FAT3: variants seen among roughly 807,000 people sequenced by gnomAD.
The protein encoded by FAT3 is FAT atypical cadherin 3.
FAT3 carries 95 observed loss-of-function variants against 310.2 expected under a neutral mutation model. The observed-to-expected ratio is 0.31, with a 90% CI of 0.26 to 0.36. The LOEUF (loss-of-function observed/expected upper bound fraction) is 0.36. Among genes scored for constraint, FAT3 ranks in the 10% least tolerant of loss-of-function variants. FAT3 has a pLI of 1.00. For missense variants in FAT3, 5,408 were observed against 5,715.6 expected (o/e 0.95, Z 1.74); for synonymous variants, 2,314 against 2,192.9 (o/e 1.06, Z -1.54).
chr11:92,735,114 T>A (rs1455367071), intron 4 of FAT3, among the ~76,000 whole-genome samples: 1 of 149,964 alleles, frequency 6.7e-6, no homozygotes, highest in Non-Finnish European at 1.5e-5. Flanking sequence ...GAGCATGTCA[T>A]GTCTGACTTA....
Position 92,524,704 on chromosome 11 carries a change from A to C in FAT3, c.3363A>C (p.Thr1121=). Reference sequence around the variant, plus strand: ...CATACTGGCTAACAGTGTATGCCACAGACAGGGGCGTTGTTCCACTCTACT... The same window carrying C: ...CATACTGGCTAACAGTGTATGCCACCGACAGGGGCGTTGTTCCACTCTACT... ...MGSYWLTVYA[T]DRGVVPLYST... is the part of the protein sequence containing the mutation. Residue 1121 remains threonine (T), a synonymous_variant, in exon 3 of 28, where the codon ACA becomes ACC. Transcript: ENST00000525166. 1.2e-6 allele frequency: 2 copies of C among 1,613,916 alleles called. No individual in the cohort carries two copies. The highest frequency in any genetic ancestry group is 1.7e-6 in the Non-Finnish European group (2 of 1,179,842).
chr11:92,366,440 G>A, intron 2 of FAT3: 1 of 367,658 alleles, frequency 2.7e-6, no homozygotes, highest in South Asian at 2.1e-5. Flanking sequence ...AGGTGCACAG[G>A]GGGATGTGAC....
At chr11:92,756,639 G>A (rs545175219) in intron 4 of FAT3, among the ~76,000 whole-genome samples, 119 of 152,182 alleles carry the variant, frequency 7.8e-4, no homozygotes, top group South Asian at 4.4e-3. Flanking sequence ...CAAGATCTCC[G>A]CTTTTAGGCA....
At chr11:92,678,203 G>T (rs1398092890) in intron 3 of FAT3, among the ~76,000 whole-genome samples, 1 of 152,126 alleles carries the variant, frequency 6.6e-6, no homozygotes, top group Non-Finnish European at 1.5e-5. Context: ...TTTGGGAGGG[G>T]ATCAATCAGA....
chr11:92,319,298 G>C (rs991272783), intron 1 of FAT3, among the ~76,000 whole-genome samples: 13 of 152,270 alleles, frequency 8.5e-5, no homozygotes, highest in African/African-American at 3.1e-4. Flanking sequence ...TCTTGAATAA[G>C]TCAAGGTTGC....
Position 92,615,276 on chromosome 11 carries a change from C to T in FAT3, c.3608-82108C>T, listed in dbSNP as rs535882410. On this transcript the variant is annotated intron_variant, in intron 3 of 27. Transcript: ENST00000525166. ...ACTTAATTTTTTTGAGACAGAGTTT[C>T]GGTCTTGTTGCCCAGGCTGGAGTGC... is the stretch of plus-strand genomic sequence containing the variant. Among the ~76,000 whole-genome samples, 24 of 152,204 alleles carry T rather than the reference C, an allele frequency of 1.6e-4. 1 individual carries two copies. Among genetic ancestry groups the T allele is most frequent in the East Asian group, 1.2e-3 (6 of 5,170 alleles).
intron 3 of FAT3, among the ~76,000 whole-genome samples, chr11:92,631,453 G>A (rs1379751139): frequency 6.6e-6 from 1 of 152,122 alleles, no homozygotes; most frequent in Non-Finnish European, 1.5e-5. Context: ...TGGATCATGG[G>A]GGTGGTTTTT....
intron 1 of FAT3, among the ~76,000 whole-genome samples, chr11:92,230,976 GC>G (rs1427550589): frequency 6.6e-6 from 1 of 152,168 alleles, no homozygotes. Context: ...TTGTCAGGGG[GC>G]AGTGCAGAGC....
intron 3 of FAT3, among the ~76,000 whole-genome samples, chr11:92,539,535 G>A (rs1249487357): frequency 6.6e-6 from 1 of 152,074 alleles, no homozygotes; most frequent in African/African-American, 2.4e-5. Context: ...TGTGTACATA[G>A]GTGTGGGAGG....
intron 9 of FAT3, among the ~76,000 whole-genome samples, chr11:92,794,313 T>C (rs900401428): frequency 6.6e-6 from 1 of 152,216 alleles, no homozygotes; most frequent in Non-Finnish European, 1.5e-5. Context: ...ACAACTCTTT[T>C]TATTCTTTCT....
chr11:92,857,781 A>G (rs1949020087), intron 20 of FAT3, among the ~76,000 whole-genome samples: 2 of 152,172 alleles, frequency 1.3e-5, no homozygotes, highest in Admixed American at 1.3e-4. Flanking sequence ...CCTTCCTTAG[A>G]GTCATCCCCA....
At chr11:92,234,623 G>T (rs1191557129) in intron 1 of FAT3, among the ~76,000 whole-genome samples, 2 of 152,028 alleles carry the variant, frequency 1.3e-5, no homozygotes, top group African/African-American at 4.8e-5. Context: ...TACAAAAATT[G>T]CCAGGCACGG....
At chr11:92,555,141 A>G (rs747003255) in intron 3 of FAT3, among the ~76,000 whole-genome samples, 12 of 152,320 alleles carry the variant, frequency 7.9e-5, no homozygotes, top group East Asian at 5.8e-4. Context: ...GGTGCTTTCA[A>G]TTGAAAATTT....
chr11:92,394,952 G>C (rs1337055730), intron 2 of FAT3, among the ~76,000 whole-genome samples: 1 of 152,118 alleles, frequency 6.6e-6, no homozygotes, highest in Admixed American at 6.6e-5. Context: ...ATTAAGGCAG[G>C]GATGTCTGTT....
intron 1 of FAT3, among the ~76,000 whole-genome samples, chr11:92,268,640 T>C (rs1319457640): frequency 2.6e-5 from 4 of 152,178 alleles, no homozygotes; most frequent in Non-Finnish European, 5.9e-5. Flanking sequence ...CTGGTTGCTC[T>C]TCTATATTTA....
At chr11:92,226,782 G>A (rs1382995640) in intron 1 of FAT3, among the ~76,000 whole-genome samples, 1 of 152,130 alleles carries the variant, frequency 6.6e-6, no homozygotes, top group Admixed American at 6.5e-5. Context: ...CCATCCCGCC[G>A]CCGCCGCGCG....
Position 92,598,231 on chromosome 11 carries a change from T to TATATATA in FAT3, c.3607+73283_3607+73284insATATATA, listed in dbSNP as rs1555095779. 1.6e-3 allele frequency among the ~76,000 whole-genome samples: 116 copies of TATATATA among 71,140 alleles called. 1 individual carries two copies. Among genetic ancestry groups the TATATATA allele is most frequent in the East Asian group, 8.7e-3 (32 of 3,662 alleles). The allele number at this position is 71,140 out of a possible 152,430, so 46.7% of individuals were successfully genotyped here. A position where few individuals can be genotyped will look rare whatever the true frequency, so the allele number is the denominator to read the frequency against. The stretch of plus-strand genomic sequence containing the variant: ...ATATGTATACATATATATATATATA[T>TATATATA]TTTTTTTTTTTTTGAGACAAAGTCT... On this transcript the variant is annotated intron_variant, in intron 3 of 27. Coordinates refer to ENST00000525166, the MANE Select transcript of FAT3 (RefSeq NM_001367949.2).
At chr11:92,734,377 G>A (rs567250791) in intron 4 of FAT3, among the ~76,000 whole-genome samples, 1 of 152,282 alleles carries the variant, frequency 6.6e-6, no homozygotes, top group South Asian at 2.1e-4. Context: ...CACAAGATGT[G>A]TAGAGAAGGG....
In FAT3 at chr11:92,344,283, GTTACCTGA is replaced by G. The variant is rs2134595918; in HGVS notation, c.-17-7811_-17-7804del. 1.3e-5 allele frequency among the ~76,000 whole-genome samples: 2 copies of G among 152,226 alleles called. 1 individual carries two copies. The highest frequency in any genetic ancestry group is 4.1e-4 in the South Asian group (2 of 4,826). On this transcript the variant is annotated intron_variant, in intron 1 of 27. Transcript: ENST00000525166. ...AGTTTTCAATTTCATTCCATTTTGA[GTTACCTGA>G]TGAACTCTCAGTTCATCCCTCACTG...
Sources: allele counts gnomAD v4.1 joint callset (sites outside exome capture counted in the v4.1 genomes callset), GRCh38; gene constraint gnomAD v4.1.1; transcripts MANE v1.5; gene names NCBI Gene and HGNC (gene_info 2026-07-23, HGNC 2026-07-21).